The following TACC2 variants were observed in gnomAD, a reference collection of about 807,000 sequenced individuals.
TACC2 encodes the protein transforming acidic coiled-coil-containing protein 2.
A neutral mutation model predicts 227.3 loss-of-function variants in TACC2; 137 were observed. That is an observed-to-expected ratio of 0.60 (90% CI 0.52 to 0.69). TACC2 has a LOEUF of 0.69. Among genes scored for constraint, TACC2 ranks in the 30% least tolerant of loss-of-function variants. The probability of loss-of-function intolerance (pLI) is 0.00; values close to 1 mark genes in which losing one functional copy is unlikely to be tolerated. For synonymous variants in TACC2, 1,523 were observed against 1,487.5 expected, an observed-to-expected ratio of 1.02 and a Z score of -0.55; for missense variants, 3,470 against 3,694.4, an observed-to-expected ratio of 0.94 and a Z score of 1.57.
At chr10:122,022,800 G>T (rs1957483540) in intron 2 of TACC2, 1 of 152,202 alleles carries the variant, frequency 6.6e-6, no homozygotes, top group African/African-American at 2.4e-5. Flanking sequence ...CACAATTGAA[G>T]AATGGACTTT....
intron 3 of TACC2, among the ~76,000 whole-genome samples, chr10:122,059,666 G>A (rs530895319): frequency 1.3e-5 from 2 of 152,224 alleles, no homozygotes; most frequent in Admixed American, 6.5e-5. Context: ...GCTCTGCTCC[G>A]GTGGGTAAAT....
At chr10:122,216,576 T>A in intron 10 of TACC2, 51 bp from the exon 11 acceptor site, 1 of 1,582,220 alleles carries the variant, frequency 6.3e-7, no homozygotes, top group Non-Finnish European at 8.6e-7. Context: ...TGGGCACAGT[T>A]TCTGACCAAG....
At chr10:122,207,505 A>G (rs115746425) in intron 8 of TACC2, among the ~76,000 whole-genome samples, 8,419 of 152,210 alleles carry the variant, frequency 0.055, 727 homozygotes, top group African/African-American at 0.19. Context: ...AGCTGGGGTA[A>G]GGGTGGGGCC....
intron 11 of TACC2, among the ~76,000 whole-genome samples, chr10:122,220,812 C>T (rs552227966): frequency 6.6e-6 from 1 of 152,306 alleles, no homozygotes; most frequent in East Asian, 1.9e-4. Flanking sequence ...TTCATGATTT[C>T]ATTTCATCCT....
intron 2 of TACC2, among the ~76,000 whole-genome samples, chr10:122,024,746 T>C (rs1275093687): frequency 6.6e-6 from 1 of 152,206 alleles, no homozygotes; most frequent in Non-Finnish European, 1.5e-5. Flanking sequence ...AACAGTTCAT[T>C]CCTTTTTATT....
At position 122,033,261 on chromosome 10, in the gene TACC2, C is replaced by T. The variant is rs189166320; in HGVS notation, c.33+11247C>T. 334 of 621,174 alleles carry T rather than the reference C, an allele frequency of 5.4e-4. 2 individuals are homozygous for T. The highest frequency in any genetic ancestry group is 4.8e-3 in the African/African-American group (252 of 52,882). 38.5% of individuals were successfully genotyped at this position (621,174 alleles called of 1,614,324 possible). ...ATGTGCATTTATATATTTAGGTTTT[C>T]TCCTCCTCCCTCTTCCATTGCTTCT... On this transcript the variant is annotated intron_variant, in intron 2 of 22. Coordinates refer to ENST00000369005, the MANE Select transcript of TACC2 (RefSeq NM_206862.4).
At chr10:122,001,667 G>C (rs749750097) in intron 1 of TACC2, among the ~76,000 whole-genome samples, 1 of 152,142 alleles carries the variant, frequency 6.6e-6, no homozygotes, top group Non-Finnish European at 1.5e-5. Context: ...ATCCCTGGTT[G>C]TTTCATTTTT....
In TACC2 at chr10:122,209,489, C is replaced by G. The variant is rs983367290; in HGVS notation, c.5972-908C>G. Among the ~76,000 whole-genome samples, 14 of 152,216 alleles carry G rather than the reference C, an allele frequency of 9.2e-5. No individual in the cohort carries two copies. Among genetic ancestry groups the G allele is most frequent in the African/African-American group, 2.9e-4 (12 of 41,458 alleles). On this transcript the variant is annotated intron_variant, in intron 8 of 22. Coordinates refer to ENST00000369005, the MANE Select transcript of TACC2 (RefSeq NM_206862.4). The surrounding 1 kb of genome is among the most constrained non-coding windows in gnomAD (Gnocchi z 4.5). The stretch of plus-strand genomic sequence containing the variant: ...GCACCAGGTGCTCCTGCCGCAGAGC[C>G]TTTACTCGCACTATTCCTTCTACCC...
intron 11 of TACC2, among the ~76,000 whole-genome samples, chr10:122,217,437 CTTTTTTTTTTTTTTT>C (rs35233150): frequency 1.1e-5 from 1 of 93,256 alleles, no homozygotes; most frequent in South Asian, 4.8e-4. Flanking sequence ...TTTCTTTTTT[CTTTTTTTTTTTTTTT>C]TTTTTTGAGA....
At chr10:122,222,123 G>A (rs1416904834) in intron 11 of TACC2, among the ~76,000 whole-genome samples, 2 of 152,204 alleles carry the variant, frequency 1.3e-5, no homozygotes, top group African/African-American at 4.8e-5. Flanking sequence ...GCCACTTGGT[G>A]TGGTGACATC....
intron 5 of TACC2, among the ~76,000 whole-genome samples, chr10:122,106,535 G>C (rs2082827450): frequency 6.6e-6 from 1 of 152,216 alleles, no homozygotes. Context: ...AAAGGAAGCT[G>C]CAAATGCATA....
intron 3 of TACC2, among the ~76,000 whole-genome samples, chr10:122,067,036 T>G (rs967440534): frequency 1.3e-5 from 2 of 152,244 alleles, no homozygotes; most frequent in Non-Finnish European, 2.9e-5. Context: ...TAATACATAT[T>G]ATTTGTGCTT....
At position 122,225,831 on chromosome 10, in the gene TACC2, G is replaced by A. The variant is rs17103229; in HGVS notation, c.7609-535G>A. ...GTGCAGAGCAGCATACCTGCCGGCC[G>A]TTGCAGGGACTTATTTGGGGACCCC... On this transcript the variant is annotated intron_variant, in intron 12 of 22. Transcript: ENST00000369005. 0.011 allele frequency among the ~76,000 whole-genome samples: 1,714 copies of A among 152,266 alleles called. 113 individuals are homozygous for A. The East Asian group carries it at 0.21, about 18-fold the overall frequency.
chr10:122,060,110 G>A (rs1007338859), intron 3 of TACC2, among the ~76,000 whole-genome samples: 3 of 152,208 alleles, frequency 2.0e-5, no homozygotes, highest in African/African-American at 7.2e-5. Flanking sequence ...GCCTTGCAAA[G>A]GGCTTAAGGA....
intron 1 of TACC2, among the ~76,000 whole-genome samples, chr10:122,015,431 G>C: frequency 6.6e-6 from 1 of 151,968 alleles, no homozygotes; most frequent in East Asian, 1.9e-4. Context: ...CTTGAACCCA[G>C]GAAGCAGAGG....
In TACC2 at chr10:122,083,302, A is replaced by T. The variant is rs2079746932; in HGVS notation, c.802A>T (p.Lys268Ter). Reference sequence around the variant, plus strand: ...CACAGAAAGCTCAGCGGTCTTGGAGAAGTCCCCCCTAAAACCCATGGCCCC... The same window carrying T: ...CACAGAAAGCTCAGCGGTCTTGGAGTAGTCCCCCCTAAAACCCATGGCCCC... ...QGTESSAVLEKSPLKPMAPIP... is the reference protein window; with the variant it reads ...QGTESSAVLE Residue 268 changes from lysine to a stop codon, truncating the protein, a stop_gained, in exon 4 of 23, where the codon AAG (lysine) becomes TAG (stop). Coordinates refer to ENST00000369005, the MANE Select transcript of TACC2 (RefSeq NM_206862.4). LOFTEE classifies it high-confidence loss of function. The T allele has an allele frequency of 6.2e-7, 1 of 1,613,728 alleles. No individual in the cohort carries two copies. Among genetic ancestry groups the T allele is most frequent in the African/African-American group, 1.3e-5 (1 of 74,854 alleles).
Position 122,205,213 on chromosome 10 carries a change from T to C in TACC2, c.5972-5184T>C, listed in dbSNP as rs1054310788. The stretch of plus-strand genomic sequence containing the variant: ...TGAGAGCAGACATACGAGAGCAAGA[T>C]AGACCTCAGGAAGCAGAGGAGCACA... On this transcript the variant is annotated intron_variant, in intron 8 of 22. Transcript: ENST00000369005. This position sits in a 1 kb window ranked among gnomAD's most constrained non-coding sequence, Gnocchi z 4.5. 1.3e-5 allele frequency among the ~76,000 whole-genome samples: 2 copies of C among 152,192 alleles called. No individual in the cohort carries two copies. The highest frequency in any genetic ancestry group is 2.4e-5 in the African/African-American group (1 of 41,462).
At chr10:122,146,937 T>C (rs947776075) in intron 7 of TACC2, among the ~76,000 whole-genome samples, 1 of 152,098 alleles carries the variant, frequency 6.6e-6, no homozygotes, top group Non-Finnish European at 1.5e-5. Flanking sequence ...TCTGGTTGGG[T>C]ATTTAGTAGG....
At chr10:122,075,268 TC>T (rs1161166535) in intron 3 of TACC2, among the ~76,000 whole-genome samples, 1 of 151,378 alleles carries the variant, frequency 6.6e-6, no homozygotes, top group Non-Finnish European at 1.5e-5. Context: ...AAAACCGGAA[TC>T]CTCCTACCTA....
Sources: gnomAD v4.1 joint callset for allele counts (sites outside exome capture counted in the v4.1 genomes callset) on GRCh38, gnomAD v4.1.1 for gene constraint, Gnocchi (gnomAD v3.1) non-coding constraint, MANE v1.5 for transcripts, NCBI Gene and HGNC (gene_info 2026-07-23, HGNC 2026-07-21) for gene names.